MCM9: variants seen among roughly 807,000 people sequenced by gnomAD.
MCM9 encodes the protein minichromosome maintenance 9 homologous recombination repair factor.
A neutral mutation model predicts 72.8 loss-of-function variants in MCM9; 55 were observed. The observed-to-expected ratio is 0.76, with a 90% CI of 0.61 to 0.95. MCM9 has a LOEUF of 0.95. Among genes scored for constraint, MCM9 ranks in the 40% least tolerant of loss-of-function variants. The pLI is 0.00. For synonymous variants in MCM9, 480 were observed against 503.4 expected (o/e 0.95, Z 0.62); for missense variants, 1,279 against 1,377.0 (o/e 0.93, Z 1.13).
At position 118,924,049 on chromosome 6, in the gene MCM9, C is replaced by T. The variant is rs1781665225; in HGVS notation, c.383G>A (p.Gly128Glu). ...CACCAGACTTGTTCGAATCACTGTC[C>T]CAGTGACAGATAAAAAGTGTCCCAC... Reference protein sequence around the residue: ...KDVGHFLSVTGTVIRTSLVKV... With the variant: ...KDVGHFLSVTETVIRTSLVKV... Residue 128 changes from glycine to glutamate, a missense_variant, in exon 4 of 14, where the codon GGG (glycine) becomes GAG (glutamate). By Grantham distance (98) the Gly-to-Glu change is moderately conservative. Coordinates refer to ENST00000619706, the MANE Select transcript of MCM9 (RefSeq NM_017696.3). 3 of 1,614,014 alleles carry T rather than the reference C, an allele frequency of 1.9e-6. No individual in the cohort carries two copies. Among genetic ancestry groups the T allele is most frequent in the African/African-American group, 2.7e-5 (2 of 74,916 alleles).
chr6:118,840,354 T>A (rs1162324613), intron 9 of MCM9, among the ~76,000 whole-genome samples: 7 of 152,046 alleles, frequency 4.6e-5, no homozygotes, highest in African/African-American at 1.7e-4. Flanking sequence ...GTCCCTCACA[T>A]ACATGAGCAA....
At chr6:118,933,964 C>CCAAAAAAAA (rs1782674265) in intron 1 of MCM9, among the ~76,000 whole-genome samples, 1 of 100,320 alleles carries the variant, frequency 1.0e-5, no homozygotes, top group Non-Finnish European at 2.0e-5. Context: ...GGACTTTGCC[C>CCAAAAAAAA]AAAAAAAAAA....
chr6:118,875,950 A>T (rs2114352723), intron 8 of MCM9, among the ~76,000 whole-genome samples: 1 of 152,322 alleles, frequency 6.6e-6, no homozygotes, highest in South Asian at 2.1e-4. Flanking sequence ...CAGAAGCTTT[A>T]TTCATAATTG....
At chr6:118,831,340 C>CA (rs869238859) in intron 9 of MCM9, among the ~76,000 whole-genome samples, 4,678 of 71,022 alleles carry the variant, frequency 0.066, 219 homozygotes, top group East Asian at 0.2. Context: ...GAGACCATCT[C>CA]AAAAAAAAAA....
intron 8 of MCM9, among the ~76,000 whole-genome samples, chr6:118,857,494 T>C (rs1776632214): frequency 6.6e-6 from 1 of 152,148 alleles, no homozygotes; most frequent in Admixed American, 6.5e-5. Flanking sequence ...AGGATAACAA[T>C]AGAAAGTATC....
At chr6:118,845,468 G>T (rs1190489520) in intron 9 of MCM9, among the ~76,000 whole-genome samples, 3 of 151,730 alleles carry the variant, frequency 2.0e-5, no homozygotes, top group Non-Finnish European at 4.4e-5. Context: ...CAGTAATTCT[G>T]TCTATGCCCA....
Position 118,931,648 on chromosome 6 carries a change from G to C in MCM9, c.76C>G (p.Leu26Val), listed in dbSNP as rs1782440179. ...YVSEYHKNDI[L>V]LILKERDEDA... Reference sequence around the variant, plus strand: ...TCATCCCTTTCCTTCAAGATTAGAAGAATATCATTCTTATGGTATTCCGAA... The same window carrying C: ...TCATCCCTTTCCTTCAAGATTAGAACAATATCATTCTTATGGTATTCCGAA... Residue 26 changes from leucine (L) to valine (V), a missense_variant, in exon 3 of 14, where the codon CTT becomes GTT. Leu to Val is a conservative substitution (Grantham distance 32). Transcript: ENST00000619706. The C allele has an allele frequency of 1.2e-6, 2 of 1,613,796 alleles. 1 individual carries two copies. The highest frequency in any genetic ancestry group is 2.2e-5 in the South Asian group (2 of 91,064).
At chr6:118,857,626 CAAAAAAAAAA>C (rs1203197065) in intron 8 of MCM9, among the ~76,000 whole-genome samples, 5 of 70,958 alleles carry the variant, frequency 7.0e-5, no homozygotes, top group South Asian at 4.6e-4. Flanking sequence ...CCAGACTGAC[CAAAAAAAAAA>C]AAAAAAAAAA....
At chr6:118,912,376 G>GA (rs896315332) in intron 7 of MCM9, 1 of 152,116 alleles carries the variant, frequency 6.6e-6, no homozygotes. Flanking sequence ...GTAACTTAGT[G>GA]AAATATGTAT....
chr6:118,816,995 T>C (rs1012945562), intron 13 of MCM9, among the ~76,000 whole-genome samples: 1 of 152,218 alleles, frequency 6.6e-6, no homozygotes, highest in East Asian at 1.9e-4. Flanking sequence ...ATCAATTTGA[T>C]ACAGAATTAA....
intron 8 of MCM9, chr6:118,910,685 AATATTCTTTAT>A: frequency 1.0e-6 from 1 of 985,382 alleles, no homozygotes; most frequent in Non-Finnish European, 1.2e-6. Context: ...ACGCATGGGA[AATATTCTTTAT>A]ATATTCTTGC....
At chr6:118,885,890 A>G (rs1237701081) in intron 8 of MCM9, among the ~76,000 whole-genome samples, 2 of 152,184 alleles carry the variant, frequency 1.3e-5, no homozygotes, top group African/African-American at 4.8e-5. Context: ...ATCACTTACG[A>G]ATACAGATGC....
In MCM9 at chr6:118,906,547, A is replaced by G. The variant is rs935722694; in HGVS notation, c.1150+5103T>C. Among the ~76,000 whole-genome samples the G allele has an allele frequency of 2.6e-5, 4 of 152,196 alleles. No homozygotes were observed. In the South Asian group the frequency reaches 6.2e-4, roughly 24 times the overall value. On this transcript the variant is annotated intron_variant, in intron 8 of 13. Transcript: ENST00000619706. ...GTGTGTAACTCTTCCCAAAATTATG[A>G]AAGTTTTATGTTTGTTTTTCCTATG... is the stretch of plus-strand genomic sequence containing the variant.
At chr6:118,870,544 A>G (rs1418649685) in intron 8 of MCM9, among the ~76,000 whole-genome samples, 2 of 152,146 alleles carry the variant, frequency 1.3e-5, no homozygotes, top group Non-Finnish European at 2.9e-5. Context: ...AAGAAGAAAT[A>G]TTGCAAATAA....
At position 118,843,676 on chromosome 6, in the gene MCM9, A is replaced by ATG. The variant is rs1488395672; in HGVS notation, c.1325+12694_1325+12695insCA. ...TATATGTGTATATATATATGTATGT[A>ATG]TATATATATGTGTATATATATATAT... On this transcript the variant is annotated intron_variant, in intron 9 of 13. Coordinates refer to ENST00000619706, the MANE Select transcript of MCM9 (RefSeq NM_017696.3). Among the ~76,000 whole-genome samples the ATG allele has an allele frequency of 2.0e-3, 178 of 89,266 alleles. 3 individuals are homozygous for ATG. Among genetic ancestry groups the ATG allele is most frequent in the African/African-American group, 2.8e-3 (62 of 22,430 alleles). 58.6% of individuals were successfully genotyped at this position (89,266 alleles called of 152,430 possible). A position where few individuals can be genotyped will look rare whatever the true frequency, so the allele number is the denominator to read the frequency against.
chr6:118,916,318 AAAAG>A (rs1031040163), intron 6 of MCM9, among the ~76,000 whole-genome samples: 2 of 151,184 alleles, frequency 1.3e-5, no homozygotes, highest in Non-Finnish European at 2.9e-5. Context: ...CAGATCAGAA[AAAAG>A]AAAGATCAGG....
Position 118,815,310 on chromosome 6 carries a change from G to A in MCM9, c.2946C>T (p.Ile982=), listed in dbSNP as rs1470568151. 1 of 1,550,606 alleles carries A rather than the reference G, an allele frequency of 6.4e-7. No homozygotes were observed. ...GKLTSTPGNQ[I]SSQPQGETKE... is the part of the protein sequence containing the mutation. ...TTGTCTCACCCTGTGGCTGACTGGA[G>A]ATCTGGTTTCCTGGGGTAGATGTTA... is the stretch of plus-strand genomic sequence containing the variant. The change falls in exon 14 of 14, where the codon ATC becomes ATT. Residue 982 remains isoleucine, a synonymous_variant. Coordinates refer to ENST00000619706, the MANE Select transcript of MCM9 (RefSeq NM_017696.3).
At chr6:118,876,303 T>G (rs945324777) in intron 8 of MCM9, among the ~76,000 whole-genome samples, 1 of 152,198 alleles carries the variant, frequency 6.6e-6, no homozygotes, top group East Asian at 1.9e-4. Flanking sequence ...AATACCATAA[T>G]GGTGGATATG....
At chr6:118,910,542 G>T in intron 8 of MCM9, 1 of 865,284 alleles carries the variant, frequency 1.2e-6, no homozygotes, top group Non-Finnish European at 1.4e-6. Context: ...CACTTAGATG[G>T]CTTGGACTCA....
Sources: gnomAD v4.1 joint callset for allele counts (sites outside exome capture counted in the v4.1 genomes callset) on GRCh38, gnomAD v4.1.1 for gene constraint, MANE v1.5 for transcripts, NCBI Gene and HGNC (gene_info 2026-07-23, HGNC 2026-07-21) for gene names.